CD81: variants seen among roughly 807,000 people sequenced by gnomAD.
CD81 encodes the protein CD81 antigen.
CD81 carries 10 observed loss-of-function variants against 30.1 expected under a neutral mutation model. The observed-to-expected ratio is 0.33, with a 90% CI of 0.21 to 0.56. The LOEUF is 0.56. CD81 is among the 20% of genes least tolerant of loss of function. The pLI, the probability that CD81 is intolerant of heterozygous loss-of-function variation, is 0.89. For missense variants in CD81, 263 were observed against 308.7 expected, an observed-to-expected ratio of 0.85 and a Z score of 1.11; for synonymous variants, 147 against 126.4, an observed-to-expected ratio of 1.16 and a Z score of -1.10.
chr11:2,384,058 G>A (rs1022751093), intron 1 of CD81, among the ~76,000 whole-genome samples: 87 of 152,300 alleles, frequency 5.7e-4, no homozygotes, highest in African/African-American at 2.0e-3. Flanking sequence ...TGGAAACAGC[G>A]GACAGGCTGG....
rs747007924 is a variant in CD81, at chr11:2,396,860, G to A, written c.705G>A (p.Val235=). ...VLCCGIRNSS[V]Y Reference sequence around the variant, plus strand: ...GCTGTGGCATCCGGAACAGCTCCGTGTACTGAGGCCCCGCAGCTCTGGCCA... The same window carrying A: ...GCTGTGGCATCCGGAACAGCTCCGTATACTGAGGCCCCGCAGCTCTGGCCA... Residue 235 remains valine (V), a synonymous_variant, in exon 8 of 8, where the codon GTG becomes GTA. Coordinates refer to ENST00000263645, the MANE Select transcript of CD81 (RefSeq NM_004356.4). The A allele has an allele frequency of 2.0e-5, 32 of 1,612,592 alleles. No homozygotes were observed. The highest frequency in any genetic ancestry group is 2.6e-5 in the Non-Finnish European group (31 of 1,180,022).
intron 6 of CD81, 100 bp from the exon 7 acceptor site, chr11:2,396,528 C>CCTCTA (rs1850008834): frequency 9.5e-7 from 1 of 1,055,802 alleles, no homozygotes; most frequent in Admixed American, 1.7e-5. Context: ...CCAGGATTCC[C>CCTCTA]CTCTACGCTT....
chr11:2,394,019 C>G (rs781280763), intron 2 of CD81, 76 bp from the exon 3 acceptor site: 4 of 1,155,526 alleles, frequency 3.5e-6, no homozygotes, highest in Non-Finnish European at 5.2e-6. Context: ...GTGGTGGGTT[C>G]GGCACCCAGG....
intron 1 of CD81, among the ~76,000 whole-genome samples, chr11:2,381,018 G>A (rs938425905): frequency 2.6e-5 from 4 of 152,230 alleles, no homozygotes; most frequent in African/African-American, 7.2e-5. Flanking sequence ...CACGTCTTTC[G>A]CCGTCCTTCC....
intron 1 of CD81, among the ~76,000 whole-genome samples, chr11:2,384,139 AG>A (rs1378987897): frequency 1.3e-5 from 2 of 151,612 alleles, no homozygotes; most frequent in East Asian, 3.9e-4. Context: ...CCCAGGAAGG[AG>A]AAAGAAAGAA....
chr11:2,389,628 C>T (rs1480567085), intron 1 of CD81, among the ~76,000 whole-genome samples: 1 of 152,146 alleles, frequency 6.6e-6, no homozygotes, highest in African/African-American at 2.4e-5. Flanking sequence ...GCACAGCCTG[C>T]TTCCTGCCCC....
rs553114011 is a variant in CD81 at position 2,388,717 on chromosome 11, G to T, written c.67-1695G>T. On this transcript the variant is annotated intron_variant, in intron 1 of 7. Transcript: ENST00000263645. The stretch of plus-strand genomic sequence containing the variant: ...CTGGGCTGGCATTCTCCGCCAGGGG[G>T]GTTGTGCCCTCGTGGCCCCCCCCGG... 2.7e-5 allele frequency among the ~76,000 whole-genome samples: 4 copies of T among 149,204 alleles called. No homozygotes were observed. The East Asian group carries it at 7.8e-4, about 29-fold the overall frequency.
In CD81 at chr11:2,396,935, C is replaced by A; in HGVS notation, c.*69C>A. 1.5e-6 allele frequency: 2 copies of A among 1,374,776 alleles called. No homozygotes were observed. Among genetic ancestry groups the A allele is most frequent in the Non-Finnish European group, 2.1e-6 (2 of 969,522 alleles). The allele number at this position is 1,374,776 out of a possible 1,614,324, so 85.2% of individuals were successfully genotyped here. A position where few individuals can be genotyped will look rare whatever the true frequency, so the allele number is the denominator to read the frequency against. On this transcript the variant is annotated 3_prime_UTR_variant, in exon 8 of 8. Transcript: ENST00000263645. ...AGTGACCCGGACACTTCCGAGGGGGCCATCACCGCCTGTGTATATAACGTT... is the reference window on the plus strand; with the variant it reads ...AGTGACCCGGACACTTCCGAGGGGGACATCACCGCCTGTGTATATAACGTT...
At chr11:2,384,473 G>A (rs1341448962) in intron 1 of CD81, among the ~76,000 whole-genome samples, 1 of 140,958 alleles carries the variant, frequency 7.1e-6, no homozygotes, top group African/African-American at 2.7e-5. Flanking sequence ...TTGTGGGGTG[G>A]GGCATCTTGT....
In CD81 at chr11:2,378,494, TGGA is replaced by T. The variant is rs1378546528; in HGVS notation, c.66+885_66+887del. ...GGGCATCTTTGGGTGCCAGCGTGGG[TGGA>T]GGAGGGTCTTTTGCTGAGAATGGCT... On this transcript the variant is annotated intron_variant, in intron 1 of 7. Coordinates refer to ENST00000263645, the MANE Select transcript of CD81 (RefSeq NM_004356.4). The surrounding 1 kb of genome is among the most constrained non-coding windows in gnomAD (Gnocchi z 4.9). Among the ~76,000 whole-genome samples the T allele has an allele frequency of 6.6e-6, 1 of 152,116 alleles. No individual in the cohort carries two copies. The highest frequency in any genetic ancestry group is 2.4e-5 in the African/African-American group (1 of 41,424).
Position 2,396,648 on chromosome 11 carries a change from C to G in CD81, c.582C>G (p.Ile194Met), listed in dbSNP as rs778692912. The G allele has an allele frequency of 1.2e-6, 2 of 1,611,588 alleles. No individual in the cohort carries two copies. The highest frequency in any genetic ancestry group is 8.5e-7 in the Non-Finnish European group (1 of 1,179,958). ...TGCAGGAGGACTGCCACCAGAAGAT[C>G]GATGACCTCTTCTCCGGGAAGCTGT... ...NLFKEDCHQK[I>M]DDLFSGKLYL... is the part of the protein sequence containing the mutation. The change falls in exon 7 of 8, where the codon ATC becomes ATG. Residue 194 changes from isoleucine (I) to methionine (M), a missense_variant. This residue lies in a region of CD81 where 176 missense variants were observed against 192.9 expected (regional missense o/e 0.91). Coordinates refer to ENST00000263645, the MANE Select transcript of CD81 (RefSeq NM_004356.4).
intron 1 of CD81, among the ~76,000 whole-genome samples, chr11:2,381,791 CT>C (rs1391102885): frequency 6.6e-6 from 1 of 152,354 alleles, no homozygotes; most frequent in East Asian, 1.9e-4. Context: ...AGGTGTCCGC[CT>C]TGTTCCCAGC....
chr11:2,388,865 G>T (rs1849844009), intron 1 of CD81, among the ~76,000 whole-genome samples: 1 of 152,206 alleles, frequency 6.6e-6, no homozygotes, highest in South Asian at 2.1e-4. Context: ...AGGCCCATGG[G>T]AGTCGGATGG....
At position 2,379,383 on chromosome 11, in the gene CD81, G is replaced by A. The variant is rs533303602; in HGVS notation, c.66+1768G>A. Reference sequence around the variant, plus strand: ...GCTGAGGGAGGGTGTAGGCCTGGGGGTGGGGGCTGAGGGAGAGTGTGGACC... The same window carrying A: ...GCTGAGGGAGGGTGTAGGCCTGGGGATGGGGGCTGAGGGAGAGTGTGGACC... On this transcript the variant is annotated intron_variant, in intron 1 of 7. Transcript: ENST00000263645. Among the ~76,000 whole-genome samples, 278 of 136,396 alleles carry A rather than the reference G, an allele frequency of 2.0e-3. 1 individual carries two copies. The highest frequency in any genetic ancestry group is 0.019 in the Middle Eastern group (5 of 260). 89.5% of individuals were successfully genotyped at this position (136,396 alleles called of 152,430 possible).
At chr11:2,385,778 C>T (rs967755664) in intron 1 of CD81, 15 of 581,924 alleles carry the variant, frequency 2.6e-5, no homozygotes, top group South Asian at 9.3e-5. Context: ...TGCAAGCCAG[C>T]GACGGACCCC....
chr11:2,378,308 T>C lies in CD81; in HGVS notation c.66+693T>C, dbSNP rs1256199771. Among the ~76,000 whole-genome samples the C allele has an allele frequency of 6.6e-6, 1 of 152,108 alleles. No homozygotes were observed. Among genetic ancestry groups the C allele is most frequent in the Non-Finnish European group, 1.5e-5 (1 of 67,996 alleles). ...ATCTCCCTCTCCTCACCCAGACACGTTCCAGCGGAGGCCTCCTCCCAGAAG... is the reference window on the plus strand; with the variant it reads ...ATCTCCCTCTCCTCACCCAGACACGCTCCAGCGGAGGCCTCCTCCCAGAAG... On this transcript the variant is annotated intron_variant, in intron 1 of 7. Coordinates refer to ENST00000263645, the MANE Select transcript of CD81 (RefSeq NM_004356.4). The surrounding 1 kb of genome is among the most constrained non-coding windows in gnomAD (Gnocchi z 4.9).
chr11:2,377,512 G>A lies in CD81; in HGVS notation c.-38G>A. 8.3e-7 allele frequency: 1 copy of A among 1,202,280 alleles called. No individual in the cohort carries two copies. The highest frequency in any genetic ancestry group is 1.1e-6 in the Non-Finnish European group (1 of 929,444). The allele number at this position is 1,202,280 out of a possible 1,614,324, so 74.5% of individuals were successfully genotyped here. On this transcript the variant is annotated 5_prime_UTR_variant, in exon 1 of 8. Transcript: ENST00000263645. This position sits in a 1 kb window ranked among gnomAD's most constrained non-coding sequence, Gnocchi z 7.7. ...GCCGGCCCGCCCGCCGCCCAGGACC[G>A]GCCCGCGCCCCGCAGGCCGCCCGCC...
At chr11:2,384,411 C>CT (rs1208024195) in intron 1 of CD81, among the ~76,000 whole-genome samples, 1 of 31,286 alleles carries the variant, frequency 3.2e-5, no homozygotes, top group African/African-American at 1.4e-4. Flanking sequence ...GGTGGGACAG[C>CT]TTGGGGGGTG....
intron 1 of CD81, chr11:2,385,980 A>G (rs1255678740): frequency 1.8e-5 from 13 of 703,904 alleles, no homozygotes; most frequent in Non-Finnish European, 2.7e-5. Flanking sequence ...GCAGTTTTAC[A>G]TAACTGCCAA....
Sources: allele counts gnomAD v4.1 joint callset (sites outside exome capture counted in the v4.1 genomes callset), GRCh38; gene constraint gnomAD v4.1.1; regional missense constraint gnomAD v4.1.1; non-coding constraint Gnocchi (gnomAD v3.1); transcripts MANE v1.5; gene names NCBI Gene and HGNC (gene_info 2026-07-23, HGNC 2026-07-21).